Variants in ST6GALNAC5 observed in about 807,000 individuals in gnomAD.
ST6GALNAC5 encodes the protein alpha-N-acetylgalactosaminide alpha-2,6-sialyltransferase 5.
A neutral mutation model predicts 33.6 loss-of-function variants in ST6GALNAC5; 27 were observed. The ratio of observed to expected loss-of-function variants is 0.80; its 90% CI spans 0.59 to 1.11. The LOEUF (loss-of-function observed/expected upper bound fraction) is 1.11, where lower values mean the gene tolerates loss of function less well. ST6GALNAC5 is among the 50% of genes least tolerant of loss of function. The probability of loss-of-function intolerance (pLI) is 0.00; values close to 1 mark genes in which losing one functional copy is unlikely to be tolerated. For synonymous variants in ST6GALNAC5, 194 were observed against 171.2 expected (o/e 1.13, Z -1.04); for missense variants, 428 against 454.0 (o/e 0.94, Z 0.52).
chr1:77,034,938 C>T lies in ST6GALNAC5; in HGVS notation c.262-9266C>T, dbSNP rs185250716. Among the ~76,000 whole-genome samples, 171 of 152,286 alleles carry T rather than the reference C, an allele frequency of 1.1e-3. 1 individual carries two copies. Among genetic ancestry groups the T allele is most frequent in the African/African-American group, 3.9e-3 (164 of 41,560 alleles). Reference sequence around the variant, plus strand: ...GACTTGGGGTTCATCCCAGATGCTACCTTTCGTGTATGGTTTTGAACAAAT... The same window carrying T: ...GACTTGGGGTTCATCCCAGATGCTATCTTTCGTGTATGGTTTTGAACAAAT... On this transcript the variant is annotated intron_variant, in intron 2 of 4. Transcript: ENST00000477717.
chr1:77,047,237 A>G (rs1283725736), intron 3 of ST6GALNAC5, among the ~76,000 whole-genome samples: 1 of 152,208 alleles, frequency 6.6e-6, no homozygotes. Context: ...TAAAGAAGCC[A>G]ATACTCTATT....
chr1:77,027,321 A>G (rs1651282922), intron 2 of ST6GALNAC5, among the ~76,000 whole-genome samples: 1 of 152,206 alleles, frequency 6.6e-6, no homozygotes. Flanking sequence ...GCAGGGGTGA[A>G]GTATACTTTC....
chr1:77,016,154 CTTCCCCTCCTCCTCCTCCTG>C (rs1379265157), intron 2 of ST6GALNAC5, among the ~76,000 whole-genome samples: 3 of 26,562 alleles, frequency 1.1e-4, no homozygotes, highest in East Asian at 1.2e-3. Context: ...CCTCCTGTAT[CTTCCCCTCCTCCTCCTCCTG>C]TCCTCCCCCT....
chr1:76,892,306 G>A (rs1315006555), intron 2 of ST6GALNAC5, among the ~76,000 whole-genome samples: 1 of 152,112 alleles, frequency 6.6e-6, no homozygotes, highest in African/African-American at 2.4e-5. Context: ...GTTTCAAAAG[G>A]TTGCATTTTG....
chr1:77,012,412 G>T (rs1650667224), intron 2 of ST6GALNAC5, among the ~76,000 whole-genome samples: 1 of 152,192 alleles, frequency 6.6e-6, no homozygotes, highest in Non-Finnish European at 1.5e-5. Context: ...GCACTAATAT[G>T]AAGTAGATCT....
chr1:77,049,187 T>C (rs1194032842), intron 3 of ST6GALNAC5, among the ~76,000 whole-genome samples: 1 of 152,128 alleles, frequency 6.6e-6, no homozygotes, highest in African/African-American at 2.4e-5. Context: ...AAAATAATGA[T>C]GCAAACTGAT....
At chr1:76,943,591 C>T (rs968542751) in intron 2 of ST6GALNAC5, among the ~76,000 whole-genome samples, 1 of 152,072 alleles carries the variant, frequency 6.6e-6, no homozygotes, top group African/African-American at 2.4e-5. Context: ...AGCCTCCCAT[C>T]TCCTGAAGGA....
chr1:77,026,992 G>C (rs1411656764), intron 2 of ST6GALNAC5, among the ~76,000 whole-genome samples: 1 of 152,216 alleles, frequency 6.6e-6, no homozygotes, highest in Non-Finnish European at 1.5e-5. Flanking sequence ...CCCCAGTGTA[G>C]GTGCTCCCCC....
chr1:76,874,165 A>G (rs763145153), intron 2 of ST6GALNAC5, among the ~76,000 whole-genome samples: 2 of 152,214 alleles, frequency 1.3e-5, no homozygotes, highest in Admixed American at 6.5e-5. Context: ...TATTAGCCTC[A>G]TATCTCTTCA....
At chr1:77,023,590 T>C (rs1450562774) in intron 2 of ST6GALNAC5, among the ~76,000 whole-genome samples, 1 of 152,190 alleles carries the variant, frequency 6.6e-6, no homozygotes, top group African/African-American at 2.4e-5. Context: ...GAAGGAACTG[T>C]GTCAGAGCAG....
At chr1:76,987,098 C>T (rs1649535203) in intron 2 of ST6GALNAC5, among the ~76,000 whole-genome samples, 1 of 152,156 alleles carries the variant, frequency 6.6e-6, no homozygotes, top group Admixed American at 6.5e-5. Context: ...AGCAAACCAA[C>T]ATGGCATGTG....
At position 76,915,875 on chromosome 1, in the gene ST6GALNAC5, C is replaced by CAA. The variant is rs527844179; in HGVS notation, c.261+47142_261+47143dup. Among the ~76,000 whole-genome samples, 817 of 139,102 alleles carry CAA rather than the reference C, an allele frequency of 5.9e-3. 2 individuals carry two copies. The highest frequency in any genetic ancestry group is 0.014 in the Admixed American group (190 of 13,746). The allele number at this position is 139,102 out of a possible 152,430, so 91.3% of individuals were successfully genotyped here. The stretch of plus-strand genomic sequence containing the variant: ...AAATTAAAAAAAGAATGAAAAATAA[C>CAA]AAAAAAAAAACAAAAAAACAAAAAA... On this transcript the variant is annotated intron_variant, in intron 2 of 4. Coordinates refer to ENST00000477717, the MANE Select transcript of ST6GALNAC5 (RefSeq NM_030965.3).
intron 2 of ST6GALNAC5, among the ~76,000 whole-genome samples, chr1:77,036,728 AAAGTATATTTGTTGAACACCTTCT>A (rs1468945710): frequency 6.6e-6 from 1 of 152,254 alleles, no homozygotes; most frequent in African/African-American, 2.4e-5. Context: ...TATTCTTTGC[AAAGTATATTTGTTGAACACCTTCT>A]ATGTGCTGGG....
At chr1:77,002,099 G>A (rs980945667) in intron 2 of ST6GALNAC5, among the ~76,000 whole-genome samples, 5 of 151,980 alleles carry the variant, frequency 3.3e-5, no homozygotes, top group East Asian at 1.9e-4. Context: ...GGTAGAATTC[G>A]GCTGTGAATC....
intron 2 of ST6GALNAC5, among the ~76,000 whole-genome samples, chr1:76,978,100 T>C (rs1411858217): frequency 6.6e-6 from 1 of 152,214 alleles, no homozygotes; most frequent in Non-Finnish European, 1.5e-5. Context: ...TTTTGTCATA[T>C]ACCTGTTGAC....
chr1:76,974,200 C>T (rs1456758899), intron 2 of ST6GALNAC5, among the ~76,000 whole-genome samples: 5 of 138,422 alleles, frequency 3.6e-5, no homozygotes, highest in African/African-American at 1.3e-4. Context: ...TATTCTTTTG[C>T]TTTTCACTTT....
chr1:76,996,406 T>C (rs1649941374), intron 2 of ST6GALNAC5, among the ~76,000 whole-genome samples: 1 of 152,212 alleles, frequency 6.6e-6, no homozygotes, highest in Admixed American at 6.5e-5. Context: ...ATGTATGTAT[T>C]TCTTGCCATC....
intron 2 of ST6GALNAC5, among the ~76,000 whole-genome samples, chr1:77,031,180 G>C (rs1337603030): frequency 6.6e-6 from 1 of 152,194 alleles, no homozygotes; most frequent in African/African-American, 2.4e-5. Flanking sequence ...ATTAGCAAAT[G>C]AGTAGACGGT....
chr1:76,867,559 G>A lies in ST6GALNAC5; in HGVS notation c.-117G>A. 1 of 1,556,664 alleles carries A rather than the reference G, an allele frequency of 6.4e-7. No homozygotes were observed. Among genetic ancestry groups the A allele is most frequent in the South Asian group, 1.1e-5 (1 of 89,838 alleles). On this transcript the variant is annotated 5_prime_UTR_variant, in exon 1 of 5. Coordinates refer to ENST00000477717, the MANE Select transcript of ST6GALNAC5 (RefSeq NM_030965.3). ...CTCCCGCGCGCGATCTGCCGCGGCC[G>A]GCTGCTGGGCAAAAATCAGAGCCGC...
Sources: gnomAD v4.1 joint callset for allele counts (sites outside exome capture counted in the v4.1 genomes callset) on GRCh38, gnomAD v4.1.1 for gene constraint, MANE v1.5 for transcripts, NCBI Gene and HGNC (gene_info 2026-07-23, HGNC 2026-07-21) for gene names.